MRAP: variants seen among roughly 807,000 people sequenced by gnomAD.
MRAP encodes melanocortin-2 receptor accessory protein.
In MRAP, 8 loss-of-function variants were observed where a neutral mutation model predicts 8.7. The ratio of observed to expected loss-of-function variants is 0.92; its 90% confidence interval spans 0.54 to 1.66. The LOEUF is 1.66. Ranked by LOEUF, MRAP falls within the 40% of genes most tolerant of loss-of-function variation. The pLI, the probability that MRAP is intolerant of heterozygous loss-of-function variation, is 0.00. For synonymous variants in MRAP, 95 were observed against 95.5 expected, an observed-to-expected ratio of 1.00 and a Z score of 0.03; for missense variants, 237 against 217.1, an observed-to-expected ratio of 1.09 and a Z score of -0.58.
At chr21:32,296,680 G>T (rs984436707), upstream of MRAP, among the ~76,000 whole-genome samples, 1 of 152,138 alleles carries the variant, frequency 6.6e-6, no homozygotes, top group Non-Finnish European at 1.5e-5. Flanking sequence ...TAACACAATG[G>T]TAAGGATTTA....
intron 1 of MRAP, among the ~76,000 whole-genome samples, chr21:32,300,762 CA>C (rs1244445773): frequency 1.3e-5 from 2 of 148,690 alleles, no homozygotes; most frequent in Admixed American, 6.8e-5. Context: ...CGTCCTATGT[CA>C]GGGGCGTCAT....
chr21:32,308,165 G>A (rs975391911), intron 2 of MRAP, among the ~76,000 whole-genome samples: 3 of 152,246 alleles, frequency 2.0e-5, no homozygotes, highest in Admixed American at 1.3e-4. Flanking sequence ...CTGAGATCAG[G>A]CCTTTGAGAC....
At chr21:32,292,711 C>T (rs1484312536) in intron 1 of MRAP, among the ~76,000 whole-genome samples, 1 of 151,942 alleles carries the variant, frequency 6.6e-6, no homozygotes, top group East Asian at 1.9e-4. Flanking sequence ...CCTGCCTTTG[C>T]CTCCCAAATT....
chr21:32,300,731 G>A (rs1472376475), intron 1 of MRAP, among the ~76,000 whole-genome samples: 6 of 38,064 alleles, frequency 1.6e-4, no homozygotes, highest in South Asian at 8.2e-4. Context: ...GGCGTCATTC[G>A]TCCTATGTCA....
At chr21:32,300,820 G>C (rs1569026724) in intron 1 of MRAP, among the ~76,000 whole-genome samples, 1 of 145,534 alleles carries the variant, frequency 6.9e-6, no homozygotes, top group Non-Finnish European at 1.5e-5. Flanking sequence ...GGGGCGTCAT[G>C]TGTCCTATGT....
At chr21:32,314,310 G>C, downstream of MRAP, 1 of 418,114 alleles carries the variant, frequency 2.4e-6, no homozygotes, top group Non-Finnish European at 4.5e-6. Context: ...TTAGCCTCCC[G>C]AGTAGCTGGA....
chr21:32,311,916 A>C lies in MRAP; in HGVS notation c.439A>C (p.Thr147Pro). ...QTHPTLLWEL[T>P]LNGGPLVRSK... Reference sequence around the variant, plus strand: ...CCACCCCACTCTCCTCTGGGAACTGACCCTCAATGGGGGTCCCCTCGTCAG... The same window carrying C: ...CCACCCCACTCTCCTCTGGGAACTGCCCCTCAATGGGGGTCCCCTCGTCAG... The change falls in exon 3 of 3, where the codon ACC (threonine) becomes CCC (proline). Residue 147 changes from threonine to proline, a missense_variant. Coordinates refer to ENST00000303645, the MANE Select transcript of MRAP (RefSeq NM_001379228.1). 6.2e-7 allele frequency: 1 copy of C among 1,613,718 alleles called. No individual in the cohort carries two copies.
upstream of MRAP, among the ~76,000 whole-genome samples, chr21:32,297,681 G>A (rs574399533): frequency 6.6e-6 from 1 of 152,356 alleles, no homozygotes; most frequent in African/African-American, 2.4e-5. Context: ...CACCCAGCGA[G>A]TGTCTACCAA....
intron 1 of MRAP, among the ~76,000 whole-genome samples, chr21:32,302,922 C>T (rs760799057): frequency 1.3e-5 from 2 of 151,306 alleles, no homozygotes; most frequent in East Asian, 1.9e-4. Context: ...TCTATCACGA[C>T]GGAAGCACAC....
At chr21:32,309,486 G>A (rs1362399999) in intron 2 of MRAP, among the ~76,000 whole-genome samples, 1 of 150,462 alleles carries the variant, frequency 6.6e-6, no homozygotes, top group African/African-American at 2.4e-5. Context: ...GAATCTCGCT[G>A]TGTCACCCAG....
chr21:32,298,854 C>T (rs1207688721), upstream of MRAP: 4 of 751,984 alleles, frequency 5.3e-6, no homozygotes, highest in Non-Finnish European at 9.4e-6. Context: ...CCTAGAGACC[C>T]ACAGACACAC....
intron 1 of MRAP, among the ~76,000 whole-genome samples, chr21:32,300,286 T>C (rs2032229114): frequency 6.6e-6 from 1 of 152,178 alleles, no homozygotes; most frequent in African/African-American, 2.4e-5. Context: ...TCCCAGCACT[T>C]TGGGATTACG....
rs1478390945 is a variant in MRAP, at chr21:32,311,835, G to C, written c.358G>C (p.Asp120His). The change falls in exon 3 of 3, where the codon GAC becomes CAC. Residue 120 changes from aspartate (D) to histidine (H), a missense_variant. Coordinates refer to ENST00000303645, the MANE Select transcript of MRAP (RefSeq NM_001379228.1). ...SVEPGSRTGP[D>H]QPLRQESSST... ...GGAGCCAGGGAGCAGAACTGGCCCT[G>C]ACCAGCCGCTACGACAGGAGAGCTC... is the stretch of plus-strand genomic sequence containing the variant. 1 of 1,613,084 alleles carries C rather than the reference G, an allele frequency of 6.2e-7. No homozygotes were observed. Among genetic ancestry groups the C allele is most frequent in the African/African-American group, 1.3e-5 (1 of 74,928 alleles).
chr21:32,311,405 T>TCCCCCCCCCCCCCC, intron 2 of MRAP: 5 of 291,704 alleles, frequency 1.7e-5, no homozygotes, highest in Non-Finnish European at 2.6e-5. Context: ...CCTGCTCCCC[T>TCCCCCCCCCCCCCC]CCACCCCCCA....
intron 1 of MRAP, among the ~76,000 whole-genome samples, chr21:32,301,000 A>G (rs2032282555): frequency 7.1e-6 from 1 of 140,808 alleles, no homozygotes; most frequent in Non-Finnish European, 1.5e-5. Context: ...ATGATATATG[A>G]TATGATGATA....
chr21:32,303,955 G>C (rs899336304), intron 1 of MRAP, among the ~76,000 whole-genome samples: 1 of 152,156 alleles, frequency 6.6e-6, no homozygotes, highest in Admixed American at 6.5e-5. Flanking sequence ...ACTGCGTTCT[G>C]TGAAACCTGT....
At chr21:32,292,786 C>T (rs2032073059) in intron 1 of MRAP, among the ~76,000 whole-genome samples, 1 of 150,832 alleles carries the variant, frequency 6.6e-6, no homozygotes, top group Admixed American at 6.6e-5. Flanking sequence ...TGGTGTGAGC[C>T]ACCATGCCCA....
chr21:32,301,916 T>C (rs560113336), intron 1 of MRAP, among the ~76,000 whole-genome samples: 8 of 152,314 alleles, frequency 5.3e-5, no homozygotes, highest in Admixed American at 2.6e-4. Flanking sequence ...ATTCAAAGTA[T>C]AGATTAAACA....
intron 1 of MRAP, among the ~76,000 whole-genome samples, chr21:32,301,746 T>C (rs1164495339): frequency 6.6e-5 from 10 of 152,272 alleles, no homozygotes; most frequent in African/African-American, 2.4e-4. Context: ...TATATCTGCT[T>C]CCCTTTAGTT....
Sources: gnomAD v4.1 joint callset for allele counts (sites outside exome capture counted in the v4.1 genomes callset) on GRCh38, gnomAD v4.1.1 for gene constraint, MANE v1.5 for transcripts, NCBI Gene and HGNC (gene_info 2026-07-23, HGNC 2026-07-21) for gene names.